ETV4: variants seen among roughly 807,000 people sequenced by gnomAD.
ETV4 encodes ETS variant transcription factor 4.
ETV4 carries 42 observed loss-of-function variants against 65.9 expected under a neutral mutation model. That is an observed-to-expected ratio of 0.64 (90% CI 0.50 to 0.82). The LOEUF (loss-of-function observed/expected upper bound fraction) is 0.82. Ranked by LOEUF, ETV4 falls within the 40% of genes least tolerant of loss-of-function variation. ETV4 has a pLI of 0.00. For synonymous variants in ETV4, 238 were observed against 260.0 expected, an observed-to-expected ratio of 0.92 and a Z score of 0.81; for missense variants, 583 against 630.3, an observed-to-expected ratio of 0.92 and a Z score of 0.80.
At chr17:43,533,709 C>A (rs1372134406) in intron 6 of ETV4, 150 bp downstream of exon 6, 8 of 1,007,992 alleles carry the variant, frequency 7.9e-6, no homozygotes, top group Non-Finnish European at 7.2e-6. Context: ...CAGAGGAAAT[C>A]CTTAGCTGTA....
rs1398678301 is a variant in ETV4, at chr17:43,530,574, T to TCAG, written c.812-396_812-394dup. On this transcript the variant is annotated intron_variant, in intron 8 of 12. Coordinates refer to ENST00000319349, the MANE Select transcript of ETV4 (RefSeq NM_001079675.5). The stretch of plus-strand genomic sequence containing the variant: ...CCTCAGAATGGACAAAAATGTCCGG[T>TCAG]CAGCAGGTCAGGTTCCCAGCCCTGT... 6 of 469,796 alleles carry TCAG rather than the reference T, an allele frequency of 1.3e-5. No homozygotes were observed. The East Asian group carries it at 3.0e-4, about 24-fold the overall frequency. 29.1% of individuals were successfully genotyped at this position (469,796 alleles called of 1,614,324 possible). A position where few individuals can be genotyped will look rare whatever the true frequency, so the allele number is the denominator to read the frequency against.
At position 43,528,694 on chromosome 17, in the gene ETV4, A is replaced by G; in HGVS notation, c.1280T>C (p.Leu427Pro). Reference protein sequence around the residue: ...VYKFVCEPEALFSLAFPDNQR... With the variant: ...VYKFVCEPEAPFSLAFPDNQR... ...ATTGTCCGGGAAGGCCAAAGAGAAG[A>G]GGGCCTCGGGCTCACACACAAACTT... is the stretch of plus-strand genomic sequence containing the variant. The change falls in exon 13 of 13, where the codon CTC (leucine) becomes CCC (proline). Residue 427 changes from leucine (L) to proline (P), a missense_variant. Coordinates refer to ENST00000319349, the MANE Select transcript of ETV4 (RefSeq NM_001079675.5). 6 of 1,614,156 alleles carry G rather than the reference A, an allele frequency of 3.7e-6. No individual in the cohort carries two copies. Among genetic ancestry groups the G allele is most frequent in the Non-Finnish European group, 5.1e-6 (6 of 1,180,026 alleles).
chr17:43,529,925 G>A lies in ETV4; in HGVS notation c.914C>T (p.Pro305Leu), dbSNP rs780030889. The change falls in exon 10 of 13, where the codon CCA (proline) becomes CTA (leucine). Residue 305 changes from proline (P) to leucine (L), a missense_variant. Pro to Leu is a moderately conservative substitution (Grantham distance 98). Coordinates refer to ENST00000319349, the MANE Select transcript of ETV4 (RefSeq NM_001079675.5). Reference protein sequence around the residue: ...MGYGYEKPLRPFPDDVCVVPE... With the variant: ...MGYGYEKPLRLFPDDVCVVPE... ...GACAACGCAGACATCATCTGGGAAT[G>A]GTCGCAGAGGTTTCTCATAGCCATA... The A allele has an allele frequency of 1.2e-6, 2 of 1,614,186 alleles. No homozygotes were observed. The highest frequency in any genetic ancestry group is 1.7e-6 in the Non-Finnish European group (2 of 1,180,040).
chr17:43,530,884 A>C lies in ETV4; in HGVS notation c.812-703T>G, dbSNP rs190841597. Reference sequence around the variant, plus strand: ...GATGGTGAAACATGACACCTCCGGGAGGAGGCGGGAGGGTGGGCTCATTCA... The same window carrying C: ...GATGGTGAAACATGACACCTCCGGGCGGAGGCGGGAGGGTGGGCTCATTCA... On this transcript the variant is annotated intron_variant, in intron 8 of 12. Transcript: ENST00000319349. Among the ~76,000 whole-genome samples the C allele has an allele frequency of 2.5e-3, 380 of 151,732 alleles. 2 individuals carry two copies. The highest frequency in any genetic ancestry group is 9.0e-3 in the African/African-American group (371 of 41,394).
Position 43,529,648 on chromosome 17 carries a change from T to C in ETV4, c.984A>G (p.Ala328=), listed in dbSNP as rs775011482. 6.2e-7 allele frequency: 1 copy of C among 1,613,500 alleles called. No individual in the cohort carries two copies. Among genetic ancestry groups the C allele is most frequent in the South Asian group, 1.1e-5 (1 of 91,028 alleles). The change falls in exon 11 of 13, where the codon GCA becomes GCG. Residue 328 remains alanine, a synonymous_variant. Coordinates refer to ENST00000319349, the MANE Select transcript of ETV4 (RefSeq NM_001079675.5). ...GCTGGTAGGGCGGCCCCTCTCGAAA[T>C]GCACCGACCCCTTCCTGCTTGATGT... ...EGDIKQEGVG[A]FREGPPYQRR...
At chr17:43,544,946 A>C in intron 4 of ETV4, 29 bp downstream of exon 4, 1 of 1,611,922 alleles carries the variant, frequency 6.2e-7, no homozygotes, top group Non-Finnish European at 8.5e-7. Flanking sequence ...CCAGCCTCCC[A>C]AAATAGAAAA....
intron 4 of ETV4, among the ~76,000 whole-genome samples, chr17:43,541,053 C>A (rs1472829074): frequency 6.6e-6 from 1 of 152,150 alleles, no homozygotes; most frequent in East Asian, 1.9e-4. Flanking sequence ...GACAGTTTAA[C>A]CAGGGACCCC....
intron 8 of ETV4, among the ~76,000 whole-genome samples, chr17:43,531,326 C>T (rs1970925217): frequency 6.6e-6 from 1 of 152,184 alleles, no homozygotes; most frequent in African/African-American, 2.4e-5. Flanking sequence ...CCTCCTTCGG[C>T]CCTTGAGGCT....
At chr17:43,532,280 T>C (rs996872244) in intron 8 of ETV4, among the ~76,000 whole-genome samples, 5 of 152,148 alleles carry the variant, frequency 3.3e-5, no homozygotes, top group African/African-American at 9.7e-5. Flanking sequence ...CGATGGATCA[T>C]ATGAAGTCAG....
At chr17:43,536,547 A>G in intron 4 of ETV4, 68 bp from the exon 5 acceptor site, 1 of 1,403,384 alleles carries the variant, frequency 7.1e-7, no homozygotes, top group Non-Finnish European at 1.0e-6. Context: ...CTCCATTATT[A>G]CAGCCCTGCA....
intron 8 of ETV4, among the ~76,000 whole-genome samples, chr17:43,531,763 CA>C (rs1424948727): frequency 6.6e-6 from 1 of 152,162 alleles, no homozygotes; most frequent in East Asian, 1.9e-4. Context: ...TAGCAAGAAC[CA>C]TGAGCCTGGC....
intron 4 of ETV4, among the ~76,000 whole-genome samples, chr17:43,542,639 A>G (rs1210623605): frequency 6.6e-6 from 1 of 152,058 alleles, no homozygotes; most frequent in Non-Finnish European, 1.5e-5. Context: ...CCCCAAGGAT[A>G]TGTGAGCTGC....
Position 43,545,620 on chromosome 17 carries a change from G to A in ETV4, c.-3C>T. 6.4e-7 allele frequency: 1 copy of A among 1,550,644 alleles called. No individual in the cohort carries two copies. The highest frequency in any genetic ancestry group is 8.7e-7 in the Non-Finnish European group (1 of 1,146,846). On this transcript the variant is annotated 5_prime_UTR_variant, in exon 2 of 13. Transcript: ENST00000319349. ...CCGGCTTTCATCCTCCGCTCCATCC[G>A]GCCGCTCCCTCCGGCCGCACGGCCG...
chr17:43,534,775 A>G (rs1169217329), intron 5 of ETV4, among the ~76,000 whole-genome samples: 1 of 152,180 alleles, frequency 6.6e-6, no homozygotes, highest in Middle Eastern at 3.4e-3. Flanking sequence ...CCCCATCTCT[A>G]CTAAAATACA....
At chr17:43,534,087 G>C (rs567265042) in intron 5 of ETV4, 102 bp from the exon 6 acceptor site, 1 of 1,263,042 alleles carries the variant, frequency 7.9e-7, no homozygotes, top group Non-Finnish European at 1.0e-6. Flanking sequence ...TGGGTGACTG[G>C]TACAGCCTCC....
At chr17:43,540,878 G>A (rs1434528469) in intron 4 of ETV4, among the ~76,000 whole-genome samples, 4 of 152,122 alleles carry the variant, frequency 2.6e-5, no homozygotes, top group African/African-American at 7.2e-5. Flanking sequence ...AAAGGGTGGT[G>A]CAGAACTCAG....
intron 4 of ETV4, among the ~76,000 whole-genome samples, chr17:43,543,227 C>T (rs1395437687): frequency 6.6e-6 from 1 of 150,966 alleles, no homozygotes; most frequent in Non-Finnish European, 1.5e-5. Context: ...ACCTCCCCAC[C>T]CACTGGATTT....
intron 7 of ETV4, 101 bp from the exon 8 acceptor site, chr17:43,533,040 G>T (rs1478457880): frequency 2.7e-6 from 4 of 1,499,358 alleles, no homozygotes; most frequent in Non-Finnish European, 3.6e-6. Flanking sequence ...CGGAATGGGG[G>T]GTAGGGGGTT....
At chr17:43,542,225 A>G (rs1027500707) in intron 4 of ETV4, among the ~76,000 whole-genome samples, 3 of 152,252 alleles carry the variant, frequency 2.0e-5, no homozygotes, top group Non-Finnish European at 2.9e-5. Context: ...TCCTAAAAAA[A>G]TCCATACACC....
Sources: gnomAD v4.1 joint callset for allele counts (sites outside exome capture counted in the v4.1 genomes callset) on GRCh38, gnomAD v4.1.1 for gene constraint, MANE v1.5 for transcripts, NCBI Gene and HGNC (gene_info 2026-07-23, HGNC 2026-07-21) for gene names.